TMEM94: variants seen among roughly 807,000 people sequenced by gnomAD.
TMEM94 encodes the protein ER Mg2+ ATPase.
In TMEM94, 81 loss-of-function variants were observed where a neutral mutation model predicts 158.6. That is an observed-to-expected ratio of 0.51 (90% CI 0.43 to 0.61). TMEM94 has a LOEUF of 0.61. Among genes scored for constraint, TMEM94 ranks in the 20% least tolerant of loss-of-function variants. The pLI is 0.00. For synonymous variants in TMEM94, 751 were observed against 730.7 expected (o/e 1.03, Z -0.45); for missense variants, 1,435 against 1,762.0 (o/e 0.81, Z 3.32).
rs1466806881 is a variant in TMEM94, at chr17:75,495,283, G to T, written c.2729-1G>T. 6.3e-7 allele frequency: 1 copy of T among 1,598,972 alleles called. No homozygotes were observed. Among genetic ancestry groups the T allele is most frequent in the Admixed American group, 1.7e-5 (1 of 58,088 alleles). ...TGAGGGAGAGGCTTTTGTCCCCACA[G>T]TGTCCCGAGATGATGCAGAAGGGCT... On this transcript the variant is annotated splice_acceptor_variant, in intron 20 of 31. Transcript: ENST00000314256. LOFTEE classifies it high-confidence loss of function. This position sits in a 1 kb window ranked among gnomAD's most constrained non-coding sequence, Gnocchi z 5.6.
In TMEM94 at chr17:75,498,482, C is replaced by T; in HGVS notation, c.3677C>T (p.Ala1226Val). 6.3e-7 allele frequency: 1 copy of T among 1,590,784 alleles called. No individual in the cohort carries two copies. The highest frequency in any genetic ancestry group is 8.6e-7 in the Non-Finnish European group (1 of 1,167,188). ...GCTCCAGCCTGGTTTGAGGACTTTG[C>T]CAATGGACTGCTGTCGGCTCAGAAG... ...DRAPAWFEDF[A>V]NGLLSAQKLT... The change falls in exon 29 of 32, where the codon GCC becomes GTC. Residue 1226 changes from alanine to valine, a missense_variant. Ala to Val is a moderately conservative substitution (Grantham distance 64). This residue lies in a region of TMEM94 where 335 missense variants were observed against 409.1 expected (regional missense o/e 0.82). Coordinates refer to ENST00000314256, the MANE Select transcript of TMEM94 (RefSeq NM_014738.6). This position sits in a 1 kb window ranked among gnomAD's most constrained non-coding sequence, Gnocchi z 6.7.
At chr17:75,465,892 A>T (rs2050295130) in intron 1 of TMEM94, among the ~76,000 whole-genome samples, 1 of 151,056 alleles carries the variant, frequency 6.6e-6, no homozygotes, top group Admixed American at 6.6e-5. Flanking sequence ...ATTTTTATGG[A>T]ACAATTTATC....
chr17:75,457,083 G>A (rs2049916310), intron 1 of TMEM94, among the ~76,000 whole-genome samples: 1 of 152,142 alleles, frequency 6.6e-6, no homozygotes, highest in South Asian at 2.1e-4. Flanking sequence ...GGCTCCCAAC[G>A]CCGACGCCCT....
chr17:75,471,009 C>T (rs1300436884), intron 1 of TMEM94, among the ~76,000 whole-genome samples: 2 of 151,272 alleles, frequency 1.3e-5, no homozygotes, highest in East Asian at 1.9e-4. Context: ...GAGGCTGAGG[C>T]GGGTGGATCA....
intron 1 of TMEM94, among the ~76,000 whole-genome samples, chr17:75,466,401 C>G (rs1017497132): frequency 6.6e-6 from 1 of 152,132 alleles, no homozygotes; most frequent in Non-Finnish European, 1.5e-5. Flanking sequence ...AGTGTAAGTC[C>G]TCAGAATTTG....
In TMEM94 at chr17:75,499,045, G is replaced by C. The variant is rs776382676; in HGVS notation, c.3961G>C (p.Val1321Leu). ...GGGCTGCCTGTCCCTGGTCCTTGTG[G>C]TGGTGACCAATGAGATCGTGAAGCT... ...LLGCLSLVLVVVTNEIVKLHE... is the reference protein window; with the variant it reads ...LLGCLSLVLVLVTNEIVKLHE... The change falls in exon 31 of 32, where the codon GTG becomes CTG. Residue 1321 changes from valine to leucine, a missense_variant. By Grantham distance (32) the Val-to-Leu change is conservative. Around this residue, in one of 3 missense-constraint regions of TMEM94, gnomAD observed 335 missense variants for 409.1 expected, o/e 0.82. Coordinates refer to ENST00000314256, the MANE Select transcript of TMEM94 (RefSeq NM_014738.6). The C allele has an allele frequency of 2.5e-6, 4 of 1,599,146 alleles. No individual in the cohort carries two copies. Among genetic ancestry groups the C allele is most frequent in the Admixed American group, 1.7e-5 (1 of 59,410 alleles).
chr17:75,497,685 G>C lies in TMEM94; in HGVS notation c.3408-96G>C. ...TTTATTCCATCCCCTCACCAGACTC[G>C]ACCTCACGCGCAAGACTCCCTAGAG... is the stretch of plus-strand genomic sequence containing the variant. On this transcript the variant is annotated intron_variant, in intron 26 of 31. Transcript: ENST00000314256. 1.9e-5 allele frequency: 18 copies of C among 945,292 alleles called. No homozygotes were observed. In the South Asian group the frequency reaches 2.5e-4, roughly 13 times the overall value. 58.6% of individuals were successfully genotyped at this position (945,292 alleles called of 1,614,324 possible). A position where few individuals can be genotyped will look rare whatever the true frequency, so the allele number is the denominator to read the frequency against.
chr17:75,491,318 G>A lies in TMEM94; in HGVS notation c.1249G>A (p.Asp417Asn), dbSNP rs371200932. 13 of 1,614,020 alleles carry A rather than the reference G, an allele frequency of 8.1e-6. No individual in the cohort carries two copies. Among genetic ancestry groups the A allele is most frequent in the African/African-American group, 4.0e-5 (3 of 74,940 alleles). The change falls in exon 13 of 32, where the codon GAC becomes AAC. Residue 417 changes from aspartate to asparagine, a missense_variant. This residue lies in a region of TMEM94 where 1,051 missense variants were observed against 1,254.4 expected (regional missense o/e 0.84). Transcript: ENST00000314256. The surrounding 1 kb of genome is among the most constrained non-coding windows in gnomAD (Gnocchi z 5.1). ...TTCCATGCAGGTCCTGTGCTGTGTG[G>A]ACAAACAGGGGATCCTGTCATGGCC... ...LGSVTVLCCV[D>N]KQGILSWPNP...
Position 75,498,056 on chromosome 17 carries a change from G to A in TMEM94, c.3490-119G>A. 1 of 1,374,614 alleles carries A rather than the reference G, an allele frequency of 7.3e-7. No individual in the cohort carries two copies. The allele number at this position is 1,374,614 out of a possible 1,614,324, so 85.2% of individuals were successfully genotyped here. A position where few individuals can be genotyped will look rare whatever the true frequency, so the allele number is the denominator to read the frequency against. On this transcript the variant is annotated intron_variant, in intron 27 of 31. Coordinates refer to ENST00000314256, the MANE Select transcript of TMEM94 (RefSeq NM_014738.6). The surrounding 1 kb of genome is among the most constrained non-coding windows in gnomAD (Gnocchi z 6.7). ...CTGGGAAAGACCCTTGCTGGGGCTT[G>A]AGCTCCCTATCCCCCCAGGCCTGAC...
chr17:75,495,849 T>C lies in TMEM94; in HGVS notation c.2945-117T>C, dbSNP rs1198109886. On this transcript the variant is annotated intron_variant, in intron 22 of 31. Transcript: ENST00000314256. The surrounding 1 kb of genome is among the most constrained non-coding windows in gnomAD (Gnocchi z 5.6). The stretch of plus-strand genomic sequence containing the variant: ...GATCCCGCTGCCGGGGGTGGGATTG[T>C]TTCAAAGAGGGGCCCACCTCCCATC... 2 of 851,634 alleles carry C rather than the reference T, an allele frequency of 2.3e-6. No individual in the cohort carries two copies. The highest frequency in any genetic ancestry group is 5.3e-5 in the East Asian group (2 of 37,646). 52.8% of individuals were successfully genotyped at this position (851,634 alleles called of 1,614,324 possible).
chr17:75,486,140 T>C (rs2051584425), intron 4 of TMEM94, 142 bp downstream of exon 4: 1 of 1,438,442 alleles, frequency 7.0e-7, no homozygotes, highest in African/African-American at 1.4e-5. Flanking sequence ...GTCCCTTGAA[T>C]GGGGTCAGAG....
Position 75,490,866 on chromosome 17 carries a change from T to C in TMEM94, c.1128+108T>C, listed in dbSNP as rs2052110638. The C allele has an allele frequency of 3.6e-5, 39 of 1,087,440 alleles. No homozygotes were observed. In the South Asian group the frequency reaches 4.4e-4, roughly 12 times the overall value. The allele number at this position is 1,087,440 out of a possible 1,614,324, so 67.4% of individuals were successfully genotyped here. A position where few individuals can be genotyped will look rare whatever the true frequency, so the allele number is the denominator to read the frequency against. ...CTCCAACCAGGCTCTTAGAGCCCCA[T>C]GTCCACCCGTTACATGTGGACATAA... On this transcript the variant is annotated intron_variant, in intron 11 of 31. Transcript: ENST00000314256.
chr17:75,479,350 T>C (rs1479561861), intron 2 of TMEM94, among the ~76,000 whole-genome samples: 2 of 152,146 alleles, frequency 1.3e-5, no homozygotes, highest in Non-Finnish European at 2.9e-5. Flanking sequence ...GATGGAGTCT[T>C]GCTCTGTTGC....
Position 75,485,513 on chromosome 17 carries a change from A to G in TMEM94, c.110A>G (p.His37Arg), listed in dbSNP as rs1290940839. ...KEQLEAVLEG[H>R]LRERKKCLTW... ...CAGCTGGAGGCAGTGCTGGAAGGAC[A>G]TCTCAGGGAGCGGAAGAAGTGTCTG... is the stretch of plus-strand genomic sequence containing the variant. The change falls in exon 3 of 32, where the codon CAT (histidine) becomes CGT (arginine). Residue 37 changes from histidine to arginine, a missense_variant. Physicochemically the swap from His to Arg is conservative, Grantham distance 29. This residue lies in a region of TMEM94 where 1,051 missense variants were observed against 1,254.4 expected (regional missense o/e 0.84). Coordinates refer to ENST00000314256, the MANE Select transcript of TMEM94 (RefSeq NM_014738.6). This position sits in a 1 kb window ranked among gnomAD's most constrained non-coding sequence, Gnocchi z 5.5. The G allele has an allele frequency of 6.2e-7, 1 of 1,614,220 alleles. No homozygotes were observed. The highest frequency in any genetic ancestry group is 1.7e-5 in the Admixed American group (1 of 60,032).
intron 1 of TMEM94, among the ~76,000 whole-genome samples, chr17:75,468,863 T>G (rs2050397784): frequency 6.6e-6 from 1 of 152,190 alleles, no homozygotes; most frequent in African/African-American, 2.4e-5. Flanking sequence ...CAAGGCTTGC[T>G]CCTGGCCCCC....
rs1172429692 is a variant in TMEM94, at chr17:75,491,478, C to T, written c.1386+23C>T. The T allele has an allele frequency of 3.1e-6, 5 of 1,613,720 alleles. No individual in the cohort carries two copies. The highest frequency in any genetic ancestry group is 1.7e-4 in the Middle Eastern group (1 of 6,060). ...GAGGTAGAGGAGGAGGTACGGCCGG[C>T]TCCCATGGGCCCGACTCTGGGCCAG... On this transcript the variant is annotated intron_variant, in intron 13 of 31. Coordinates refer to ENST00000314256, the MANE Select transcript of TMEM94 (RefSeq NM_014738.6). This position sits in a 1 kb window ranked among gnomAD's most constrained non-coding sequence, Gnocchi z 5.1.
intron 23 of TMEM94, 47 bp downstream of exon 23, chr17:75,496,121 A>C (rs1193093790): frequency 1.3e-6 from 2 of 1,542,000 alleles, no homozygotes; most frequent in Non-Finnish European, 1.8e-6. Context: ...TACCTCCCAG[A>C]CCGGAGGATC....
At position 75,482,222 on chromosome 17, in the gene TMEM94, T is replaced by G. The variant is rs557659813; in HGVS notation, c.25-3206T>G. ...TTAGCCGGGCGTGGCAGCATGTGCC[T>G]GTAGTCCCAGCTGCTCGGGAGGCTG... On this transcript the variant is annotated intron_variant, in intron 2 of 31. Coordinates refer to ENST00000314256, the MANE Select transcript of TMEM94 (RefSeq NM_014738.6). Among the ~76,000 whole-genome samples, 5 of 152,150 alleles carry G rather than the reference T, an allele frequency of 3.3e-5. No individual in the cohort carries two copies. The South Asian group carries it at 1.0e-3, about 32-fold the overall frequency.
intron 1 of TMEM94, among the ~76,000 whole-genome samples, chr17:75,463,030 AAAAAAAAATATATATATATATATATATAT>A (rs2050136413): frequency 1.1e-4 from 1 of 8,974 alleles, no homozygotes; most frequent in African/African-American, 6.1e-4. Context: ...AAAAAAAAAA[AAAAAAAAATATATATATATATATATATAT>A]ATATATATAT....
Sources: allele counts gnomAD v4.1 joint callset (sites outside exome capture counted in the v4.1 genomes callset), GRCh38; gene constraint gnomAD v4.1.1; regional missense constraint gnomAD v4.1.1; non-coding constraint Gnocchi (gnomAD v3.1); transcripts MANE v1.5; gene names NCBI Gene and HGNC (gene_info 2026-07-23, HGNC 2026-07-21).